TCF20: variants seen among roughly 807,000 people sequenced by gnomAD.
TCF20 encodes the protein SPRE-binding protein.
TCF20 carries 3 observed loss-of-function variants against 148.6 expected under a neutral mutation model. The ratio of observed to expected loss-of-function variants is 0.02; its 90% confidence interval spans 0.01 to 0.05. The LOEUF is 0.05. Among genes scored for constraint, TCF20 ranks in the 10% least tolerant of loss-of-function variants. The pLI, the probability that TCF20 is intolerant of heterozygous loss-of-function variation, is 1.00. For synonymous variants in TCF20, 1,049 were observed against 909.5 expected (o/e 1.15, Z -2.76); for missense variants, 2,350 against 2,429.3 (o/e 0.97, Z 0.69).
rs561629570 is a variant in TCF20 at position 42,338,378 on chromosome 22, C to T, written c.-37+5101G>A. Among the ~76,000 whole-genome samples, 8 of 152,322 alleles carry T rather than the reference C, an allele frequency of 5.3e-5. No homozygotes were observed. The highest frequency in any genetic ancestry group is 2.6e-4 in the Admixed American group (4 of 15,306). On this transcript the variant is annotated intron_variant, in intron 1 of 1. Coordinates refer to the TCF20 transcript ENST00000515426. The surrounding 1 kb of genome is among the most constrained non-coding windows in gnomAD (Gnocchi z 4.0). ...CAGCAGATCTGCATTTTCACGGAGGCCTCAGGGGGACACAAAGCTTAAATG... is the reference window on the plus strand; with the variant it reads ...CAGCAGATCTGCATTTTCACGGAGGTCTCAGGGGGACACAAAGCTTAAATG...
At chr22:42,322,504 G>C (rs1228022875) in intron 1 of TCF20, among the ~76,000 whole-genome samples, 1 of 151,934 alleles carries the variant, frequency 6.6e-6, no homozygotes, top group Non-Finnish European at 1.5e-5. Context: ...CCGTGGAGGA[G>C]GCAGGGCCTG....
At position 42,212,754 on chromosome 22, in the gene TCF20, G is replaced by A; in HGVS notation, c.2552C>T (p.Ser851Leu). Residue 851 changes from serine (S) to leucine (L), a missense_variant, in exon 2 of 6, where the codon TCA (serine) becomes TTA (leucine). By Grantham distance (145) the Ser-to-Leu change is moderately radical. Transcript: ENST00000677622. ...GGAACCCCCAGGCTCATGTGCTGAT[G>A]ACTGAGGCTCTATTTCAAACTTTCT... The part of the protein sequence containing the change: ...IPRKFEIEPQ[S>L]SAHEPGGSLS... The A allele has an allele frequency of 6.2e-7, 1 of 1,614,234 alleles. No individual in the cohort carries two copies. The highest frequency in any genetic ancestry group is 8.5e-7 in the Non-Finnish European group (1 of 1,180,034).
intron 1 of TCF20, among the ~76,000 whole-genome samples, chr22:42,305,331 C>T (rs1927412934): frequency 6.6e-6 from 1 of 152,170 alleles, no homozygotes; most frequent in African/African-American, 2.4e-5. Flanking sequence ...CACTGCCATC[C>T]ACCTGGGGCC....
chr22:42,340,713 C>T (rs796559496), intron 1 of TCF20, among the ~76,000 whole-genome samples: 16 of 152,248 alleles, frequency 1.1e-4, no homozygotes, highest in African/African-American at 3.9e-4. Context: ...GAGGGCCTAA[C>T]CCAAGGTCAC....
chr22:42,161,285 G>T lies in TCF20; in HGVS notation c.*118C>A. 2 of 1,611,664 alleles carry T rather than the reference G, an allele frequency of 1.2e-6. No homozygotes were observed. Among genetic ancestry groups the T allele is most frequent in the Non-Finnish European group, 1.7e-6 (2 of 1,179,070 alleles). On this transcript the variant is annotated 3_prime_UTR_variant, in exon 6 of 6. Coordinates refer to ENST00000677622, the MANE Select transcript of TCF20 (RefSeq NM_001378418.1). Reference sequence around the variant, plus strand: ...GGGCGGGGCGGGGCGGGGCAGGGCAGGGTGTGGCTGCACGGTAGGACGATT... The same window carrying T: ...GGGCGGGGCGGGGCGGGGCAGGGCATGGTGTGGCTGCACGGTAGGACGATT...
At chr22:42,269,674 C>G (rs910024690) in intron 1 of TCF20, 4 of 152,456 alleles carry the variant, frequency 2.6e-5, no homozygotes, top group African/African-American at 9.6e-5. Context: ...CCCCGCGGCG[C>G]GGGAGGAGAG....
At chr22:42,215,886 T>C (rs1238785859) in intron 1 of TCF20, among the ~76,000 whole-genome samples, 2 of 151,976 alleles carry the variant, frequency 1.3e-5, no homozygotes, top group African/African-American at 4.8e-5. Context: ...GCACTCTGAG[T>C]GCATACAAAC....
intron 1 of TCF20, among the ~76,000 whole-genome samples, chr22:42,323,181 C>T (rs1292262032): frequency 1.3e-5 from 2 of 151,736 alleles, no homozygotes; most frequent in African/African-American, 4.8e-5. Flanking sequence ...AGATTACAGG[C>T]GTGAGCCACC....
At chr22:42,335,944 ACTC>A (rs992452220) in intron 1 of TCF20, among the ~76,000 whole-genome samples, 35 of 151,876 alleles carry the variant, frequency 2.3e-4, no homozygotes, top group African/African-American at 8.2e-4. Context: ...GCCAGCCATC[ACTC>A]CTCCTCTGCC....
chr22:42,222,082 C>T lies in TCF20; in HGVS notation c.-36-6741G>A, dbSNP rs866243472. Among the ~76,000 whole-genome samples, 3 of 152,284 alleles carry T rather than the reference C, an allele frequency of 2.0e-5. No individual in the cohort carries two copies. The South Asian group carries it at 6.2e-4, about 32-fold the overall frequency. The stretch of plus-strand genomic sequence containing the variant: ...ATGACCATGCAGAGACAGAGCAAGG[C>T]CTCTGGCCCTCTAGACAGATCAGTA... On this transcript the variant is annotated intron_variant, in intron 1 of 5. Transcript: ENST00000677622.
At chr22:42,243,292 CAAAAAAAAAAAAAAAA>C (rs3045578) in intron 1 of TCF20, among the ~76,000 whole-genome samples, 4 of 39,478 alleles carry the variant, frequency 1.0e-4, no homozygotes, top group Non-Finnish European at 1.9e-4. Flanking sequence ...GACACTGTCT[CAAAAAAAAAAAAAAAA>C]AAAAAAAAAA....
At chr22:42,331,764 G>C (rs550671801) in intron 1 of TCF20, among the ~76,000 whole-genome samples, 115 of 152,390 alleles carry the variant, frequency 7.5e-4, no homozygotes, top group African/African-American at 2.7e-3. Context: ...ACCCTGCGCA[G>C]CTGGGCTGTA....
intron 1 of TCF20, among the ~76,000 whole-genome samples, chr22:42,305,813 C>A (rs1205452256): frequency 6.6e-6 from 1 of 152,026 alleles, no homozygotes; most frequent in Non-Finnish European, 1.5e-5. Flanking sequence ...TCTGGCCCTC[C>A]CCCACCCCAT....
chr22:42,169,358 A>G (rs901777038), intron 4 of TCF20, among the ~76,000 whole-genome samples: 8 of 151,620 alleles, frequency 5.3e-5, no homozygotes, highest in African/African-American at 1.5e-4. Flanking sequence ...GGAGCCCGAG[A>G]CAGCCCATCC....
chr22:42,219,197 T>TA (rs1569158989), intron 1 of TCF20, among the ~76,000 whole-genome samples: 3 of 148,822 alleles, frequency 2.0e-5, no homozygotes, highest in Non-Finnish European at 3.0e-5. Context: ...CAGCCTGGGT[T>TA]AAAAAAAATT....
chr22:42,161,698 G>A (rs987462750), intron 5 of TCF20, among the ~76,000 whole-genome samples: 1 of 152,230 alleles, frequency 6.6e-6, no homozygotes, highest in African/African-American at 2.4e-5. Flanking sequence ...GGGGCAGCTG[G>A]TGGGGTTTTG....
At chr22:42,282,947 C>T (rs1926938682) in intron 1 of TCF20, among the ~76,000 whole-genome samples, 1 of 152,254 alleles carries the variant, frequency 6.6e-6, no homozygotes, top group Non-Finnish European at 1.5e-5. Context: ...TGGGCCAGGG[C>T]CTCGGCCTGG....
chr22:42,282,856 C>A (rs86668), intron 1 of TCF20, among the ~76,000 whole-genome samples: 5 of 151,966 alleles, frequency 3.3e-5, no homozygotes, highest in Non-Finnish European at 5.9e-5. Context: ...AAAATAAATG[C>A]AAGAAGCACA....
chr22:42,272,498 G>A (rs5758691), upstream of TCF20, among the ~76,000 whole-genome samples: 8 of 152,136 alleles, frequency 5.3e-5, no homozygotes, highest in South Asian at 1.7e-3. Context: ...TGCAGGGCCC[G>A]GGGGATGCTG....
Sources: gnomAD v4.1 joint callset for allele counts (sites outside exome capture counted in the v4.1 genomes callset) on GRCh38, gnomAD v4.1.1 for gene constraint, Gnocchi (gnomAD v3.1) non-coding constraint, MANE v1.5 for transcripts, NCBI Gene and HGNC (gene_info 2026-07-23, HGNC 2026-07-21) for gene names.